Variants in AMN1 observed in about 807,000 individuals in gnomAD.
The protein encoded by AMN1 is protein AMN1 homolog.
A neutral mutation model predicts 33.0 loss-of-function variants in AMN1; 20 were observed. The ratio of observed to expected loss-of-function variants is 0.61; its 90% CI spans 0.43 to 0.88. The LOEUF (loss-of-function observed/expected upper bound fraction) is 0.88. Among genes scored for constraint, AMN1 ranks in the 40% least tolerant of loss-of-function variants. AMN1 has a pLI of 0.00. For synonymous variants in AMN1, 114 were observed against 111.9 expected, an observed-to-expected ratio of 1.02 and a Z score of -0.12; for missense variants, 246 against 307.4, an observed-to-expected ratio of 0.80 and a Z score of 1.49.
chr12:31,700,318 G>C (rs750728836), intron 3 of AMN1, among the ~76,000 whole-genome samples: 1 of 152,072 alleles, frequency 6.6e-6, no homozygotes, highest in Non-Finnish European at 1.5e-5. Context: ...AGCCAAGATT[G>C]TGCCACTGCA....
rs1938787666 is a variant in AMN1 at position 31,697,618 on chromosome 12, C to G, written c.534+122G>C. The stretch of plus-strand genomic sequence containing the variant: ...ATCTCAATTACTTAACCACAAAAAG[C>G]ATGAAGTGGTCAATAGTTTCAACAA... On this transcript the variant is annotated intron_variant, in intron 4 of 6. Transcript: ENST00000281471. 7 of 1,148,920 alleles carry G rather than the reference C, an allele frequency of 6.1e-6. No homozygotes were observed. In the South Asian group the frequency reaches 9.8e-5, roughly 16 times the overall value. The allele number at this position is 1,148,920 out of a possible 1,614,324, so 71.2% of individuals were successfully genotyped here. A position where few individuals can be genotyped will look rare whatever the true frequency, so the allele number is the denominator to read the frequency against.
chr12:31,689,846 G>T lies in AMN1; in HGVS notation c.592-728C>A, dbSNP rs114697966. 8.3e-3 allele frequency among the ~76,000 whole-genome samples: 1,262 copies of T among 152,126 alleles called. 12 individuals are homozygous for T. The highest frequency in any genetic ancestry group is 0.029 in the African/African-American group (1,201 of 41,492). Reference sequence around the variant, plus strand: ...TTTAGTGGTCATTTGTGAGATTTTGGTGCAACCATCAACCAAGCAGTATAC... The same window carrying T: ...TTTAGTGGTCATTTGTGAGATTTTGTTGCAACCATCAACCAAGCAGTATAC... On this transcript the variant is annotated intron_variant, in intron 5 of 6. Coordinates refer to ENST00000281471, the MANE Select transcript of AMN1 (RefSeq NM_001113402.2).
intron 5 of AMN1, among the ~76,000 whole-genome samples, chr12:31,689,445 G>A (rs1248214611): frequency 6.6e-6 from 1 of 152,172 alleles, no homozygotes; most frequent in East Asian, 1.9e-4. Flanking sequence ...GCCCTTTGCA[G>A]TATTACTTGT....
intron 3 of AMN1, among the ~76,000 whole-genome samples, chr12:31,698,390 G>A (rs138886758): frequency 3.9e-5 from 6 of 152,262 alleles, no homozygotes; most frequent in African/African-American, 1.4e-4. Context: ...TCATGCTTGC[G>A]GTTAGAAATT....
intron 2 of AMN1, among the ~76,000 whole-genome samples, chr12:31,705,928 A>G (rs1939216285): frequency 6.6e-6 from 1 of 152,098 alleles, no homozygotes; most frequent in African/African-American, 2.4e-5. Flanking sequence ...TAAAATCCCC[A>G]GCAAGCCTTT....
intron 6 of AMN1, among the ~76,000 whole-genome samples, chr12:31,688,412 T>C (rs1001920571): frequency 6.6e-6 from 1 of 152,222 alleles, no homozygotes; most frequent in Non-Finnish European, 1.5e-5. Context: ...ATCTTCTTCA[T>C]AGGTAACATT....
chr12:31,696,164 G>A (rs1415010980), intron 5 of AMN1, among the ~76,000 whole-genome samples: 1 of 151,958 alleles, frequency 6.6e-6, no homozygotes. Flanking sequence ...TTGAACTTGG[G>A]ACATGGAAGT....
chr12:31,685,809 A>AAAAAAAG (rs1344318758), intron 6 of AMN1, among the ~76,000 whole-genome samples: 5 of 150,206 alleles, frequency 3.3e-5, no homozygotes, highest in East Asian at 1.9e-4. Flanking sequence ...TCAAAAAAAA[A>AAAAAAAG]AGAAAGAAAG....
At chr12:31,706,002 A>C (rs1939219134) in intron 2 of AMN1, among the ~76,000 whole-genome samples, 1 of 152,016 alleles carries the variant, frequency 6.6e-6, no homozygotes, top group Non-Finnish European at 1.5e-5. Context: ...ATGTATTTTC[A>C]TATTTTCTCT....
At chr12:31,702,035 A>C in intron 2 of AMN1, 28 bp from the exon 3 acceptor site, 1 of 1,528,644 alleles carries the variant, frequency 6.5e-7, no homozygotes, top group African/African-American at 1.4e-5. Flanking sequence ...TTTTGAAAAA[A>C]TTATTTCTTT....
At chr12:31,674,433 T>G (rs1273206305) in intron 6 of AMN1, among the ~76,000 whole-genome samples, 1 of 151,782 alleles carries the variant, frequency 6.6e-6, no homozygotes, top group African/African-American at 2.4e-5. Context: ...TGGGCATCAT[T>G]GAGCACAGTC....
intron 2 of AMN1, among the ~76,000 whole-genome samples, chr12:31,706,867 A>C (rs1478570614): frequency 1.3e-5 from 2 of 152,194 alleles, no homozygotes; most frequent in African/African-American, 4.8e-5. Context: ...GGCCAAAACA[A>C]GACATCTAGA....
intron 1 of AMN1, among the ~76,000 whole-genome samples, chr12:31,727,036 G>T (rs1458872360): frequency 6.6e-6 from 1 of 151,430 alleles, no homozygotes; most frequent in Non-Finnish European, 1.5e-5. Context: ...TTTATTTTTG[G>T]TAGAGACATG....
intron 2 of AMN1, among the ~76,000 whole-genome samples, chr12:31,706,356 A>G (rs2139703300): frequency 6.6e-6 from 1 of 151,230 alleles, no homozygotes; most frequent in East Asian, 1.9e-4. Context: ...CTTTACCTAC[A>G]ACTGTCTTGG....
At chr12:31,705,385 C>T (rs1198078921) in intron 2 of AMN1, among the ~76,000 whole-genome samples, 2 of 152,032 alleles carry the variant, frequency 1.3e-5, no homozygotes, top group Non-Finnish European at 2.9e-5. Flanking sequence ...GTAGTCCTAG[C>T]TACTCAGGAG....
chr12:31,698,605 G>A (rs1012673696), intron 3 of AMN1, among the ~76,000 whole-genome samples: 10 of 152,082 alleles, frequency 6.6e-5, no homozygotes, highest in Non-Finnish European at 1.0e-4. Context: ...AGTACTTCGG[G>A]GATCCTGGGC....
chr12:31,709,294 T>C lies in AMN1; in HGVS notation c.170A>G (p.Glu57Gly). ...CTTTACAGTTATTCATACTCTTACC[T>C]CACTTATATTTGAATCTGTTATCTG... The part of the protein sequence containing the change: ...QGQITDSNIS[E>G]ILHPEVQTLD... Residue 57 changes from glutamate (E) to glycine (G), a missense_variant and splice_region_variant, in exon 2 of 7, where the codon GAG becomes GGG. Glu to Gly is a moderately conservative substitution (Grantham distance 98). Coordinates refer to ENST00000281471, the MANE Select transcript of AMN1 (RefSeq NM_001113402.2). 1 of 1,613,384 alleles carries C rather than the reference T, an allele frequency of 6.2e-7. No individual in the cohort carries two copies. The highest frequency in any genetic ancestry group is 8.5e-7 in the Non-Finnish European group (1 of 1,179,564).
intron 6 of AMN1, 190 bp from the exon 7 acceptor site, chr12:31,672,567 T>C: frequency 2.0e-6 from 1 of 508,730 alleles, no homozygotes; most frequent in African/African-American, 1.9e-5. Flanking sequence ...TTATTAGGTG[T>C]AGTGCACCTA....
At chr12:31,676,091 A>AT (rs1192158884) in intron 6 of AMN1, among the ~76,000 whole-genome samples, 1 of 151,848 alleles carries the variant, frequency 6.6e-6, no homozygotes, top group East Asian at 1.9e-4. Context: ...AACTCCATTT[A>AT]TGTTACCATC....
Sources: gnomAD v4.1 joint callset for allele counts (sites outside exome capture counted in the v4.1 genomes callset) on GRCh38, gnomAD v4.1.1 for gene constraint, MANE v1.5 for transcripts, NCBI Gene and HGNC (gene_info 2026-07-23, HGNC 2026-07-21) for gene names.